The following NLGN4X variants were observed in gnomAD, a reference collection of about 807,000 sequenced individuals.
NLGN4X encodes neuroligin-4, X-linked.
NLGN4X carries 3 observed loss-of-function variants against 40.3 expected under a neutral mutation model. The ratio of observed to expected loss-of-function variants is 0.07; its 90% CI spans 0.03 to 0.19. The LOEUF (loss-of-function observed/expected upper bound fraction) is 0.19. Ranked by LOEUF, NLGN4X falls within the 10% of genes least tolerant of loss-of-function variation. NLGN4X has a pLI of 1.00. For synonymous variants in NLGN4X, 270 were observed against 306.8 expected, an observed-to-expected ratio of 0.88 and a Z score of 1.25; for missense variants, 382 against 708.3, an observed-to-expected ratio of 0.54 and a Z score of 5.23.
chrX:6,136,707 C>T (rs954855442), intron 2 of NLGN4X, among the ~76,000 whole-genome samples: 8 of 112,370 alleles, frequency 7.1e-5, no homozygotes, highest in Non-Finnish European at 1.3e-4. Flanking sequence ...CTACCATATT[C>T]CATGAGACAC....
rs750325986 is a variant in NLGN4X, at chrX:5,909,170, C to T, written c.695G>A (p.Arg232Gln). ...GGCTCCCACATTCTCCTCAATCCAC[C>T]GCAGTGCTTGAATCTGATCCAGGAG... ...YGLLDQIQAL[R>Q]WIEENVGAFG... is the part of the protein sequence containing the mutation. The change falls in exon 4 of 6, where the codon CGG becomes CAG. Residue 232 changes from arginine (R) to glutamine (Q), a missense_variant. Around this residue, in one of 5 missense-constraint regions of NLGN4X, gnomAD observed 32 missense variants for 85.2 expected, o/e 0.38. Transcript: ENST00000381095. The T allele has an allele frequency of 3.3e-6, 4 of 1,209,657 alleles. No individual in the cohort carries two copies. The highest frequency in any genetic ancestry group is 1.8e-5 in the African/African-American group (1 of 57,013).
intron 2 of NLGN4X, among the ~76,000 whole-genome samples, chrX:6,058,295 T>C (rs1020313950): frequency 1.8e-5 from 2 of 111,715 alleles, no homozygotes; most frequent in African/African-American, 6.5e-5. Flanking sequence ...AACCATTTGC[T>C]GCAGACAAGT....
intron 3 of NLGN4X, among the ~76,000 whole-genome samples, chrX:5,976,684 CTTTAT>C (rs199834739): frequency 0.067 from 7,571 of 112,317 alleles, 638 homozygotes; most frequent in African/African-American, 0.23. Flanking sequence ...TCTCAACACA[CTTTAT>C]TTTATGTTTT....
chrX:5,989,709 C>A (rs983697819), intron 3 of NLGN4X, among the ~76,000 whole-genome samples: 1 of 111,299 alleles, frequency 9.0e-6, no homozygotes. Context: ...TTTTTCATAT[C>A]TGTTTAGTTT....
chrX:6,117,478 C>G (rs186434212), intron 2 of NLGN4X, among the ~76,000 whole-genome samples: 74 of 111,239 alleles, frequency 6.7e-4, no homozygotes, highest in Non-Finnish European at 7.0e-4. Context: ...TCCTCCACAA[C>G]GTCCCATCTG....
chrX:5,962,927 A>ACC (rs201841953), intron 3 of NLGN4X, among the ~76,000 whole-genome samples: 89 of 86,048 alleles, frequency 1.0e-3, no homozygotes, highest in African/African-American at 3.3e-3. Context: ...GTTGTTTATT[A>ACC]CCCCCCCCCA....
In NLGN4X at chrX:6,190,967, C is replaced by T. The variant is rs146463514; in HGVS notation, c.-306+37574G>A. ...TGTTTGTCTACTTTATGAGATGTACCCCGAAGTGTGGCCATGAGGAGGAGC... is the reference window on the plus strand; with the variant it reads ...TGTTTGTCTACTTTATGAGATGTACTCCGAAGTGTGGCCATGAGGAGGAGC... On this transcript the variant is annotated intron_variant, in intron 1 of 5. Transcript: ENST00000381095. 6.1e-3 allele frequency among the ~76,000 whole-genome samples: 675 copies of T among 111,219 alleles called. 5 individuals carry two copies. Among genetic ancestry groups the T allele is most frequent in the African/African-American group, 0.021 (647 of 30,573 alleles).
At chrX:6,193,408 CAAAAAAAAAAAA>C (rs60328753) in intron 1 of NLGN4X, among the ~76,000 whole-genome samples, 1 of 28,335 alleles carries the variant, frequency 3.5e-5, no homozygotes, top group African/African-American at 1.6e-4. Flanking sequence ...GACTCCGTCT[CAAAAAAAAAAAA>C]AAAAAAAAAA....
intron 3 of NLGN4X, among the ~76,000 whole-genome samples, chrX:6,013,130 C>G (rs1187489206): frequency 3.6e-5 from 4 of 111,415 alleles, no homozygotes; most frequent in Non-Finnish European, 7.5e-5. Context: ...TTTTATAATT[C>G]TCAAAATCTG....
chrX:5,994,308 T>C (rs1318073366), intron 3 of NLGN4X, among the ~76,000 whole-genome samples: 2 of 111,943 alleles, frequency 1.8e-5, no homozygotes, highest in African/African-American at 3.2e-5. Context: ...TTGTGCTTTA[T>C]TGAATCCAGC....
At chrX:5,963,023 A>C (rs1387179888) in intron 3 of NLGN4X, among the ~76,000 whole-genome samples, 1 of 104,365 alleles carries the variant, frequency 9.6e-6, no homozygotes, top group East Asian at 3.1e-4. Flanking sequence ...GTGTTAAGAT[A>C]ACAAATACCT....
At chrX:5,928,962 G>C (rs961658920) in intron 3 of NLGN4X, among the ~76,000 whole-genome samples, 2 of 109,147 alleles carry the variant, frequency 1.8e-5, no homozygotes, top group African/African-American at 6.7e-5. Flanking sequence ...TGGGACTATA[G>C]ACATGCACCA....
In NLGN4X at chrX:5,891,448, C is replaced by T. The variant is rs999320144; in HGVS notation, c.*1369G>A. The T allele has an allele frequency of 1.2e-5, 3 of 249,401 alleles. No individual in the cohort carries two copies. The highest frequency in any genetic ancestry group is 1.3e-4 in the East Asian group (1 of 7,874). 20.6% of individuals were successfully genotyped at this position (249,401 alleles called of 1,213,427 possible). ...ACCTGCTTACTGATAAATAAGGGAC[C>T]GAGTGCTTAAACAAAAAGGAAAGAC... On this transcript the variant is annotated 3_prime_UTR_variant, in exon 6 of 6. Transcript: ENST00000381095.
At chrX:5,961,069 C>T (rs1360586908) in intron 3 of NLGN4X, among the ~76,000 whole-genome samples, 1 of 109,952 alleles carries the variant, frequency 9.1e-6, no homozygotes, top group Non-Finnish European at 1.9e-5. Flanking sequence ...CCTCTGTCGC[C>T]CAGGCTGGAG....
intron 1 of NLGN4X, among the ~76,000 whole-genome samples, chrX:6,228,019 C>A (rs981391340): frequency 9.1e-6 from 1 of 110,045 alleles, no homozygotes; most frequent in Admixed American, 9.7e-5. Flanking sequence ...TCACAGTTTG[C>A]AGAAGTCTTC....
chrX:6,216,057 A>C (rs1405930593), intron 1 of NLGN4X, among the ~76,000 whole-genome samples: 2 of 110,692 alleles, frequency 1.8e-5, no homozygotes, highest in Non-Finnish European at 3.8e-5. Context: ...TTGTATTTTT[A>C]GTAGAGATGG....
At chrX:6,003,701 A>C (rs1283219869) in intron 3 of NLGN4X, among the ~76,000 whole-genome samples, 1 of 111,478 alleles carries the variant, frequency 9.0e-6, no homozygotes, top group African/African-American at 3.3e-5. Context: ...ATTTTTCTTT[A>C]ATTTCCCACC....
chrX:6,064,350 C>A (rs1361589954), intron 2 of NLGN4X, among the ~76,000 whole-genome samples: 1 of 111,955 alleles, frequency 8.9e-6, no homozygotes, highest in Admixed American at 9.5e-5. Context: ...CAGATGGACA[C>A]ATGACTTTAT....
intron 2 of NLGN4X, among the ~76,000 whole-genome samples, chrX:6,035,454 G>C (rs768772800): frequency 5.4e-5 from 6 of 111,503 alleles, no homozygotes; most frequent in Non-Finnish European, 5.6e-5. Context: ...TTCTTATATT[G>C]CCACCTGTCG....
Sources: gnomAD v4.1 joint callset for allele counts (sites outside exome capture counted in the v4.1 genomes callset) on GRCh38, gnomAD v4.1.1 for gene constraint, gnomAD v4.1.1 regional missense constraint, MANE v1.5 for transcripts, NCBI Gene and HGNC (gene_info 2026-07-23, HGNC 2026-07-21) for gene names.